PRDM5: variants seen among roughly 807,000 people sequenced by gnomAD.
PRDM5 encodes the protein PR domain zinc finger protein 5.
PRDM5 carries 56 observed loss-of-function variants against 81.2 expected under a neutral mutation model. That is an observed-to-expected ratio of 0.69 (90% confidence interval 0.56 to 0.86). The LOEUF is 0.86. Ranked by LOEUF, PRDM5 falls within the 40% of genes least tolerant of loss-of-function variation. The probability of loss-of-function intolerance (pLI) is 0.00; values close to 1 mark genes in which losing one functional copy is unlikely to be tolerated. For synonymous variants in PRDM5, 267 were observed against 256.4 expected, an observed-to-expected ratio of 1.04 and a Z score of -0.39; for missense variants, 697 against 770.1, an observed-to-expected ratio of 0.91 and a Z score of 1.12.
intron 2 of PRDM5, among the ~76,000 whole-genome samples, chr4:120,887,303 A>G (rs1763546752): frequency 6.6e-6 from 1 of 152,042 alleles, no homozygotes. Context: ...GTTACCTTCA[A>G]CACACAACTG....
intron 3 of PRDM5, among the ~76,000 whole-genome samples, chr4:120,822,066 A>G (rs771125873): frequency 3.9e-5 from 6 of 152,244 alleles, no homozygotes; most frequent in Admixed American, 6.5e-5. Context: ...ACCTCGACCA[A>G]TAACAGACAC....
chr4:120,785,369 T>A (rs550436678), intron 10 of PRDM5, among the ~76,000 whole-genome samples: 1 of 152,240 alleles, frequency 6.6e-6, no homozygotes, highest in Non-Finnish European at 1.5e-5. Context: ...GAATACACAC[T>A]GAGATTTCTC....
At chr4:120,867,469 G>C (rs935482069) in intron 2 of PRDM5, among the ~76,000 whole-genome samples, 20 of 152,084 alleles carry the variant, frequency 1.3e-4, no homozygotes, top group African/African-American at 4.3e-4. Flanking sequence ...TGAATGGTCT[G>C]AGTACACTTT....
chr4:120,716,306 A>C (rs903468840), intron 14 of PRDM5, among the ~76,000 whole-genome samples: 1 of 152,206 alleles, frequency 6.6e-6, no homozygotes, highest in Non-Finnish European at 1.5e-5. Flanking sequence ...TGTTGGCAGA[A>C]AAGTAAAGGA....
At position 120,718,443 on chromosome 4, in the gene PRDM5, C is replaced by A. The variant is rs915184117; in HGVS notation, c.1624-8030G>T. 6.8e-4 allele frequency among the ~76,000 whole-genome samples: 103 copies of A among 152,104 alleles called. 5 individuals carry two copies. Among genetic ancestry groups the A allele is most frequent in the Non-Finnish European group, 1.5e-4 (10 of 68,022 alleles). On this transcript the variant is annotated intron_variant, in intron 14 of 15. Coordinates refer to ENST00000264808, the MANE Select transcript of PRDM5 (RefSeq NM_018699.4). Reference sequence around the variant, plus strand: ...ACTCTATTAAAACTCACAAAAATGACATATTTCATCAGATAATTATTTCCT... The same window carrying A: ...ACTCTATTAAAACTCACAAAAATGAAATATTTCATCAGATAATTATTTCCT...
At position 120,819,837 on chromosome 4, in the gene PRDM5, A is replaced by G. The variant is rs1409226961; in HGVS notation, c.476-1310T>C. ...TGATATTCCAAATAGCATAATGCATATAAGCCTGTCCTTATCTTCCCCTTA... is the reference window on the plus strand; with the variant it reads ...TGATATTCCAAATAGCATAATGCATGTAAGCCTGTCCTTATCTTCCCCTTA... On this transcript the variant is annotated intron_variant, in intron 4 of 15. Coordinates refer to ENST00000264808, the MANE Select transcript of PRDM5 (RefSeq NM_018699.4). Among the ~76,000 whole-genome samples the G allele has an allele frequency of 2.0e-5, 3 of 152,354 alleles. No homozygotes were observed. In the South Asian group the frequency reaches 6.2e-4, roughly 32 times the overall value.
At chr4:120,913,913 A>G (rs1410068573) in intron 1 of PRDM5, among the ~76,000 whole-genome samples, 1 of 152,234 alleles carries the variant, frequency 6.6e-6, no homozygotes, top group African/African-American at 2.4e-5. Flanking sequence ...CAGGGAACTG[A>G]CAGCCTATCT....
chr4:120,745,632 CCAACAA>C (rs1401721665), intron 14 of PRDM5, among the ~76,000 whole-genome samples: 2 of 137,784 alleles, frequency 1.5e-5, no homozygotes, highest in Admixed American at 7.2e-5. Context: ...TTCCTATACA[CCAACAA>C]CAGACAAACA....
intron 2 of PRDM5, among the ~76,000 whole-genome samples, chr4:120,866,279 G>C (rs911554121): frequency 5.9e-5 from 9 of 152,216 alleles, no homozygotes; most frequent in Non-Finnish European, 1.0e-4. Flanking sequence ...CAGGGGAACA[G>C]TGCTTCACAC....
At chr4:120,788,129 T>C (rs1300585668) in intron 10 of PRDM5, among the ~76,000 whole-genome samples, 1 of 152,174 alleles carries the variant, frequency 6.6e-6, no homozygotes. Context: ...CAATTCCCTT[T>C]ACAGAAATAC....
chr4:120,780,876 G>T (rs866186401), intron 12 of PRDM5, among the ~76,000 whole-genome samples: 5 of 152,076 alleles, frequency 3.3e-5, no homozygotes, highest in Non-Finnish European at 7.4e-5. Flanking sequence ...TGCTCATTGA[G>T]TACTTTTTAG....
intron 2 of PRDM5, among the ~76,000 whole-genome samples, chr4:120,867,225 ACCTAC>A (rs1172200872): frequency 6.6e-6 from 1 of 152,046 alleles, no homozygotes; most frequent in African/African-American, 2.4e-5. Flanking sequence ...TAAGCAGAAA[ACCTAC>A]CTGGACTTCT....
At chr4:120,699,913 G>GA (rs1265553443) in intron 15 of PRDM5, among the ~76,000 whole-genome samples, 2 of 136,740 alleles carry the variant, frequency 1.5e-5, no homozygotes, top group African/African-American at 5.1e-5. Context: ...CACAGAACTA[G>GA]AAAAAACTAT....
intron 3 of PRDM5, among the ~76,000 whole-genome samples, chr4:120,836,095 A>G (rs1169544128): frequency 2.6e-5 from 4 of 152,126 alleles, no homozygotes; most frequent in African/African-American, 9.7e-5. Flanking sequence ...AGACAATTGA[A>G]GGAAGGAGAG....
intron 15 of PRDM5, among the ~76,000 whole-genome samples, chr4:120,703,510 A>C (rs1309217594): frequency 6.6e-6 from 1 of 152,060 alleles, no homozygotes; most frequent in African/African-American, 2.4e-5. Flanking sequence ...GTTTAATGCT[A>C]TACTCTACAA....
intron 15 of PRDM5, among the ~76,000 whole-genome samples, chr4:120,707,566 A>C (rs1035381011): frequency 2.0e-5 from 3 of 151,926 alleles, no homozygotes; most frequent in African/African-American, 4.8e-5. Context: ...GAGAAAAAAA[A>C]CAAAAACAAA....
At chr4:120,907,599 A>C (rs770796834) in intron 1 of PRDM5, 42 bp from the exon 2 acceptor site, 10 of 1,479,466 alleles carry the variant, frequency 6.8e-6, no homozygotes, top group Non-Finnish European at 9.5e-6. Context: ...TAGTACAATA[A>C]ATCAACATAC....
intron 2 of PRDM5, chr4:120,896,991 G>GT (rs796413674): frequency 0.049 from 6,772 of 138,680 alleles, 141 homozygotes; most frequent in African/African-American, 0.066. Flanking sequence ...CCTTCCTATA[G>GT]TTTTTTTTTT....
intron 15 of PRDM5, among the ~76,000 whole-genome samples, chr4:120,702,458 G>A (rs552163829): frequency 1.3e-5 from 2 of 152,246 alleles, no homozygotes; most frequent in East Asian, 3.9e-4. Context: ...CTCTCATAGC[G>A]GCCTTTACTT....
Sources: allele counts gnomAD v4.1 joint callset (sites outside exome capture counted in the v4.1 genomes callset), GRCh38; gene constraint gnomAD v4.1.1; transcripts MANE v1.5; gene names NCBI Gene and HGNC (gene_info 2026-07-23, HGNC 2026-07-21).